P3H2: variants seen among roughly 807,000 people sequenced by gnomAD.
P3H2 encodes the protein leprecan-like 1.
Under a neutral mutation model 87.0 loss-of-function variants are expected in P3H2, and 80 were observed. The observed-to-expected ratio is 0.92, with a 90% CI of 0.77 to 1.11. P3H2 has a LOEUF of 1.11. Among genes scored for constraint, P3H2 ranks in the 50% least tolerant of loss-of-function variants. P3H2 has a pLI of 0.00. For synonymous variants in P3H2, 367 were observed against 359.3 expected, an observed-to-expected ratio of 1.02 and a Z score of -0.24; for missense variants, 1,001 against 923.9, an observed-to-expected ratio of 1.08 and a Z score of -1.08.
chr3:190,031,113 T>C (rs1375668563), intron 1 of P3H2, among the ~76,000 whole-genome samples: 2 of 152,052 alleles, frequency 1.3e-5, no homozygotes, highest in Non-Finnish European at 2.9e-5. Context: ...TAAAATAAAC[T>C]AAAAATGAAT....
intron 14 of P3H2, among the ~76,000 whole-genome samples, chr3:189,961,354 G>C (rs1722804846): frequency 6.6e-6 from 1 of 152,214 alleles, no homozygotes; most frequent in Non-Finnish European, 1.5e-5. Flanking sequence ...AAATTCAAGA[G>C]CTGGAACCAA....
chr3:189,967,905 G>A (rs1723050730), intron 13 of P3H2, among the ~76,000 whole-genome samples: 1 of 152,076 alleles, frequency 6.6e-6, no homozygotes, highest in Admixed American at 6.6e-5. Flanking sequence ...AATAACATAT[G>A]TGTGTCATAA....
chr3:190,069,862 T>C (rs1234093499), intron 1 of P3H2, among the ~76,000 whole-genome samples: 1 of 151,718 alleles, frequency 6.6e-6, no homozygotes, highest in African/African-American at 2.4e-5. Flanking sequence ...TTCAGAGCAG[T>C]GGTGTAGATG....
chr3:190,092,107 C>A (rs1727426235), intron 1 of P3H2, among the ~76,000 whole-genome samples: 1 of 151,998 alleles, frequency 6.6e-6, no homozygotes, highest in Admixed American at 6.6e-5. Flanking sequence ...GTGGTGGACA[C>A]CTGTAGTCCC....
chr3:190,024,366 G>C (rs1435321916), intron 1 of P3H2, among the ~76,000 whole-genome samples: 2 of 151,776 alleles, frequency 1.3e-5, no homozygotes, highest in Non-Finnish European at 2.9e-5. Flanking sequence ...GTGAAACCCT[G>C]TCTTTACTAT....
In P3H2 at chr3:190,041,617, G is replaced by T. The variant is rs539157257; in HGVS notation, c.481-46175C>A. 2.1e-3 allele frequency among the ~76,000 whole-genome samples: 324 copies of T among 152,268 alleles called. 2 individuals carry two copies. The highest frequency in any genetic ancestry group is 7.6e-3 in the African/African-American group (314 of 41,544). On this transcript the variant is annotated intron_variant, in intron 1 of 14. Transcript: ENST00000319332. ...AACCTGAAAGGCCTCAAAGACCTAG[G>T]TCAATAGCACAGCTGGTCTAGTCAT...
chr3:190,007,266 A>G (rs1724416082), intron 1 of P3H2, among the ~76,000 whole-genome samples: 1 of 152,220 alleles, frequency 6.6e-6, no homozygotes, highest in Non-Finnish European at 1.5e-5. Context: ...TTTCTCATAT[A>G]ACAGAGAAGT....
At chr3:190,108,098 T>TG (rs1711920543) in intron 1 of P3H2, among the ~76,000 whole-genome samples, 2 of 152,098 alleles carry the variant, frequency 1.3e-5, no homozygotes, top group African/African-American at 4.8e-5. Context: ...TGAGGCATTG[T>TG]GCCCAGCCTA....
chr3:190,053,112 T>C (rs1222187833), intron 1 of P3H2, among the ~76,000 whole-genome samples: 3 of 152,218 alleles, frequency 2.0e-5, no homozygotes, highest in South Asian at 2.1e-4. Context: ...TAGTATTCCA[T>C]TCTAGGACAA....
chr3:190,122,092 A>AAAAAC (rs1183207377), upstream of P3H2: 2 of 148,998 alleles, frequency 1.3e-5, no homozygotes, highest in African/African-American at 5.1e-5. Context: ...AAAACAAAAA[A>AAAAAC]AACAAAGAAA....
intron 6 of P3H2, among the ~76,000 whole-genome samples, chr3:189,985,940 A>G (rs1723681193): frequency 6.6e-6 from 1 of 152,128 alleles, no homozygotes; most frequent in Admixed American, 6.5e-5. Context: ...GAAATTTCTT[A>G]TGGTATCTTC....
chr3:190,028,489 G>C (rs1577282311), intron 1 of P3H2, among the ~76,000 whole-genome samples: 1 of 152,056 alleles, frequency 6.6e-6, no homozygotes, highest in Non-Finnish European at 1.5e-5. Context: ...ACAATTAGAG[G>C]GGAACTTGTC....
chr3:189,988,246 G>A (rs972869245), intron 4 of P3H2, among the ~76,000 whole-genome samples: 3 of 152,092 alleles, frequency 2.0e-5, no homozygotes, highest in Non-Finnish European at 4.4e-5. Flanking sequence ...GAACTAACAA[G>A]GATGTTTCCA....
intron 1 of P3H2, among the ~76,000 whole-genome samples, chr3:190,033,001 C>G (rs186637253): frequency 3.9e-3 from 595 of 152,322 alleles, no homozygotes; most frequent in Middle Eastern, 6.8e-3. Flanking sequence ...TTTTCTGAAA[C>G]TAGACGGTCC....
chr3:190,089,368 T>TA (rs1397494857), intron 1 of P3H2, among the ~76,000 whole-genome samples: 4 of 152,152 alleles, frequency 2.6e-5, no homozygotes, highest in East Asian at 1.9e-4. Flanking sequence ...TAAAGTATAA[T>TA]AAAAAAAGAG....
At chr3:190,026,094 G>T (rs78048788) in intron 1 of P3H2, among the ~76,000 whole-genome samples, 3,436 of 151,972 alleles carry the variant, frequency 0.023, 127 homozygotes, top group African/African-American at 0.077. Flanking sequence ...TTACAAAACT[G>T]GCAGCATTTC....
intron 1 of P3H2, among the ~76,000 whole-genome samples, chr3:190,021,462 A>C (rs1160253632): frequency 7.4e-6 from 1 of 135,422 alleles, no homozygotes; most frequent in Non-Finnish European, 1.7e-5. Flanking sequence ...CAACAATGTT[A>C]TAATGCATAA....
chr3:190,006,583 T>C (rs987883864), intron 1 of P3H2, among the ~76,000 whole-genome samples: 2 of 152,182 alleles, frequency 1.3e-5, no homozygotes, highest in Non-Finnish European at 2.9e-5. Context: ...ACACAGACTA[T>C]TGATATCAAG....
chr3:190,066,143 G>GTGTGTATATATATATATA (rs58939026), intron 1 of P3H2, among the ~76,000 whole-genome samples: 2 of 138,766 alleles, frequency 1.4e-5, no homozygotes, highest in African/African-American at 5.7e-5. Flanking sequence ...ACTGTGGTGT[G>GTGTGTATATATATATATA]TATATATATA....
Sources: gnomAD v4.1 joint callset for allele counts (sites outside exome capture counted in the v4.1 genomes callset) on GRCh38, gnomAD v4.1.1 for gene constraint, MANE v1.5 for transcripts, NCBI Gene and HGNC (gene_info 2026-07-23, HGNC 2026-07-21) for gene names.